The following LRRC4C variants were observed in gnomAD, a reference collection of about 807,000 sequenced individuals.
The protein encoded by LRRC4C is leucine-rich repeat-containing protein 4C.
A neutral mutation model predicts 33.6 loss-of-function variants in LRRC4C; 5 were observed. The observed-to-expected ratio is 0.15, with a 90% CI of 0.08 to 0.31. LRRC4C has a LOEUF of 0.31. Among genes scored for constraint, LRRC4C ranks in the 10% least tolerant of loss-of-function variants. The pLI is 1.00. For missense variants in LRRC4C, 560 were observed against 796.7 expected (o/e 0.70, Z 3.58); for synonymous variants, 329 against 302.0 (o/e 1.09, Z -0.93).
In LRRC4C at chr11:40,979,531, T is replaced by A. The variant is rs1417932139; in HGVS notation, c.-495-45808A>T. ...TTCTTTCCCAGTGTAGGGAACTGGA[T>A]AATTAATCACATCTATGAACATCCT... On this transcript the variant is annotated intron_variant, in intron 1 of 6. Transcript: ENST00000528697. 2.6e-5 allele frequency among the ~76,000 whole-genome samples: 4 copies of A among 152,172 alleles called. No individual in the cohort carries two copies. The East Asian group carries it at 7.8e-4, about 30-fold the overall frequency.
At chr11:40,264,427 G>A (rs1000280022) in intron 4 of LRRC4C, among the ~76,000 whole-genome samples, 8 of 151,910 alleles carry the variant, frequency 5.3e-5, no homozygotes, top group South Asian at 2.1e-4. Flanking sequence ...TAAATTCTTC[G>A]ACACCTATAC....
intron 4 of LRRC4C, among the ~76,000 whole-genome samples, chr11:40,260,954 C>T (rs1233953039): frequency 6.6e-6 from 1 of 152,108 alleles, no homozygotes; most frequent in Non-Finnish European, 1.5e-5. Flanking sequence ...AATCATAGCT[C>T]ACTGTAACTT....
At chr11:40,928,270 A>G (rs1957476598) in intron 2 of LRRC4C, among the ~76,000 whole-genome samples, 1 of 150,586 alleles carries the variant, frequency 6.6e-6, no homozygotes, top group African/African-American at 2.4e-5. Context: ...ATTTATAAAT[A>G]TATATTTCTA....
chr11:40,764,164 T>TC (rs1949348370), intron 2 of LRRC4C, among the ~76,000 whole-genome samples: 1 of 152,098 alleles, frequency 6.6e-6, no homozygotes, highest in South Asian at 2.1e-4. Context: ...CCTGAGGATA[T>TC]CATTCCAGGC....
intron 1 of LRRC4C, among the ~76,000 whole-genome samples, chr11:41,008,265 C>A (rs947516436): frequency 1.1e-4 from 17 of 152,036 alleles, no homozygotes; most frequent in African/African-American, 2.7e-4. Context: ...TACTTCTTGC[C>A]TAAAATCCTC....
At chr11:40,912,624 A>G (rs957083501) in intron 2 of LRRC4C, among the ~76,000 whole-genome samples, 2 of 152,354 alleles carry the variant, frequency 1.3e-5, no homozygotes, top group Middle Eastern at 6.8e-3. Flanking sequence ...AAGGCTAGGA[A>G]GAAACTGCAT....
chr11:41,069,570 C>T (rs1473755854), intron 1 of LRRC4C, among the ~76,000 whole-genome samples: 1 of 152,152 alleles, frequency 6.6e-6, no homozygotes, highest in African/African-American at 2.4e-5. Flanking sequence ...TCAACAAAGT[C>T]TCAGGATATG....
At chr11:41,279,381 AACACACAC>A (rs575973002) in intron 1 of LRRC4C, among the ~76,000 whole-genome samples, 5,616 of 126,410 alleles carry the variant, frequency 0.044, 198 homozygotes, top group African/African-American at 0.1. Context: ...CACACACACA[AACACACAC>A]ACACACACAC....
intron 3 of LRRC4C, among the ~76,000 whole-genome samples, chr11:40,618,604 T>G (rs2135937515): frequency 6.6e-6 from 1 of 151,912 alleles, no homozygotes; most frequent in African/African-American, 2.4e-5. Flanking sequence ...CACAATAAAG[T>G]CTGAAGCCAG....
chr11:41,076,501 G>A (rs947326632), intron 1 of LRRC4C, among the ~76,000 whole-genome samples: 2 of 152,190 alleles, frequency 1.3e-5, no homozygotes, highest in African/African-American at 2.4e-5. Context: ...GAAGTGGGAG[G>A]TGCTACACAT....
At chr11:40,312,186 C>G (rs183028393) in intron 4 of LRRC4C, among the ~76,000 whole-genome samples, 4 of 152,192 alleles carry the variant, frequency 2.6e-5, no homozygotes, top group Non-Finnish European at 5.9e-5. Context: ...GCGTGAAACT[C>G]TTGCTTGGTT....
chr11:41,150,501 A>G lies in LRRC4C; in HGVS notation c.-495-216778T>C, dbSNP rs377321903. On this transcript the variant is annotated intron_variant, in intron 1 of 6. Coordinates refer to ENST00000528697, the MANE Select transcript of LRRC4C (RefSeq NM_001258419.2). ...TCTACTGAAAACATAATTTAAAGTA[A>G]TATGATTTTGCCAGGCGCGGTGGCT... Among the ~76,000 whole-genome samples, 6 of 152,242 alleles carry G rather than the reference A, an allele frequency of 3.9e-5. No individual in the cohort carries two copies. In the East Asian group the frequency reaches 9.7e-4, roughly 25 times the overall value.
At chr11:40,800,923 T>C (rs1951014858) in intron 2 of LRRC4C, among the ~76,000 whole-genome samples, 1 of 152,160 alleles carries the variant, frequency 6.6e-6, no homozygotes, top group Non-Finnish European at 1.5e-5. Context: ...TCCAGGACCA[T>C]CACATCATAA....
intron 5 of LRRC4C, among the ~76,000 whole-genome samples, chr11:40,160,751 T>C (rs945881697): frequency 2.6e-5 from 4 of 152,172 alleles, no homozygotes; most frequent in Admixed American, 2.6e-4. Flanking sequence ...AAAGATTATG[T>C]TGTCAACTGA....
chr11:41,036,347 T>C (rs191859630), intron 1 of LRRC4C, among the ~76,000 whole-genome samples: 201 of 152,300 alleles, frequency 1.3e-3, no homozygotes, highest in African/African-American at 4.6e-3. Context: ...GAAAGGTGAA[T>C]AATGACCCAA....
intron 1 of LRRC4C, among the ~76,000 whole-genome samples, chr11:40,944,730 T>C (rs1301579432): frequency 6.6e-6 from 1 of 152,148 alleles, no homozygotes; most frequent in African/African-American, 2.4e-5. Flanking sequence ...CCTGAAATAA[T>C]GCTCCAGGAA....
chr11:40,960,581 A>T (rs1850908325), intron 1 of LRRC4C, among the ~76,000 whole-genome samples: 1 of 151,730 alleles, frequency 6.6e-6, no homozygotes, highest in African/African-American at 2.4e-5. Flanking sequence ...TTCTTACTGG[A>T]AATTAAGTTT....
chr11:40,613,066 T>C (rs1312507961), intron 3 of LRRC4C, among the ~76,000 whole-genome samples: 5 of 151,890 alleles, frequency 3.3e-5, no homozygotes, highest in Non-Finnish European at 7.4e-5. Context: ...GGGTCTTGCC[T>C]CAATATTGAT....
intron 2 of LRRC4C, among the ~76,000 whole-genome samples, chr11:40,716,406 G>A (rs12364198): frequency 0.81 from 123,790 of 152,036 alleles, 50,542 homozygotes; most frequent in African/African-American, 0.86. Context: ...TAATAAATCA[G>A]TTTTTCATGC....
Sources: gnomAD v4.1 joint callset for allele counts (sites outside exome capture counted in the v4.1 genomes callset) on GRCh38, gnomAD v4.1.1 for gene constraint, MANE v1.5 for transcripts, NCBI Gene and HGNC (gene_info 2026-07-23, HGNC 2026-07-21) for gene names.